Variants in GLIS3 observed in about 807,000 individuals in gnomAD.
GLIS3 encodes zinc finger protein GLIS3.
In GLIS3, 53 loss-of-function variants were observed where a neutral mutation model predicts 78.6. That is an observed-to-expected ratio of 0.67 (90% CI 0.54 to 0.85). The LOEUF (loss-of-function observed/expected upper bound fraction) is 0.85. GLIS3 is among the 40% of genes least tolerant of loss of function. GLIS3 has a pLI of 0.00. For missense variants in GLIS3, 1,703 were observed against 1,231.1 expected, an observed-to-expected ratio of 1.38 and a Z score of -5.74; for synonymous variants, 684 against 509.9, an observed-to-expected ratio of 1.34 and a Z score of -4.60.
intron 2 of GLIS3, chr9:4,347,065 G>A (rs1420667431): frequency 1.3e-5 from 2 of 152,358 alleles, no homozygotes; most frequent in Non-Finnish European, 2.9e-5. Context: ...AAGGAAAAGA[G>A]GTTTATTTGA....
At chr9:4,346,398 G>GT (rs1554660589) in intron 2 of GLIS3, among the ~76,000 whole-genome samples, 2 of 152,152 alleles carry the variant, frequency 1.3e-5, no homozygotes, top group African/African-American at 2.4e-5. Flanking sequence ...TGACTGCCCT[G>GT]CCCTGAAGCA....
intron 4 of GLIS3, among the ~76,000 whole-genome samples, chr9:3,984,366 G>C (rs1244163667): frequency 2.0e-5 from 3 of 152,244 alleles, no homozygotes; most frequent in Admixed American, 2.0e-4. Flanking sequence ...GCATCAGCAT[G>C]ACCTGGATGT....
the GLIS3 span, among the ~76,000 whole-genome samples, chr9:4,488,499 C>T: frequency 6.6e-6 from 1 of 151,276 alleles, no homozygotes; most frequent in Non-Finnish European, 1.5e-5. Context: ...TGGGACAAAT[C>T]TGTTCTCTCG....
At chr9:4,163,891 T>C (rs1347856336) in intron 2 of GLIS3, among the ~76,000 whole-genome samples, 2 of 152,224 alleles carry the variant, frequency 1.3e-5, no homozygotes, top group Non-Finnish European at 2.9e-5. Context: ...AGGCTACAAA[T>C]GAGTAAGGCC....
chr9:4,058,307 A>T (rs1038722161), intron 4 of GLIS3, among the ~76,000 whole-genome samples: 4 of 152,020 alleles, frequency 2.6e-5, no homozygotes, highest in African/African-American at 9.7e-5. Flanking sequence ...CATACACAAT[A>T]AGGCATAAAA....
chr9:4,431,515 A>G, the GLIS3 span, among the ~76,000 whole-genome samples: 1 of 152,018 alleles, frequency 6.6e-6, no homozygotes, highest in Admixed American at 6.6e-5. Context: ...GTTCCACCAT[A>G]CTCTTAGTCC....
chr9:4,054,434 G>C (rs956223465), intron 4 of GLIS3: 32 of 985,300 alleles, frequency 3.2e-5, no homozygotes, highest in Non-Finnish European at 3.9e-5. Flanking sequence ...AAACACTTTG[G>C]CGAGAGTCAC....
At chr9:4,224,564 G>A (rs1360129303) in intron 2 of GLIS3, among the ~76,000 whole-genome samples, 2 of 152,154 alleles carry the variant, frequency 1.3e-5, no homozygotes, top group African/African-American at 2.4e-5. Flanking sequence ...TTTTCTCACC[G>A]CATTGGCTAC....
chr9:3,892,788 C>T lies in GLIS3; in HGVS notation c.2128+5903G>A, dbSNP rs181131319. Among the ~76,000 whole-genome samples, 24 of 152,196 alleles carry T rather than the reference C, an allele frequency of 1.6e-4. 1 individual carries two copies. In the South Asian group the frequency reaches 3.3e-3, roughly 21 times the overall value. On this transcript the variant is annotated intron_variant, in intron 7 of 10. Transcript: ENST00000381971. ...AGAACTTTAGACTCAGCAGTCTGGTCTATAACCTCTTAACCATAAAAAGTA... is the reference window on the plus strand; with the variant it reads ...AGAACTTTAGACTCAGCAGTCTGGTTTATAACCTCTTAACCATAAAAAGTA...
intron 7 of GLIS3, among the ~76,000 whole-genome samples, chr9:3,888,163 A>G (rs901709702): frequency 9.2e-5 from 14 of 152,180 alleles, no homozygotes; most frequent in East Asian, 5.8e-4. Context: ...GACGTGGCCA[A>G]TCACTCCTGG....
At chr9:3,940,366 A>G (rs1815789428) in intron 4 of GLIS3, among the ~76,000 whole-genome samples, 1 of 152,124 alleles carries the variant, frequency 6.6e-6, no homozygotes, top group Non-Finnish European at 1.5e-5. Context: ...GAACATTAAG[A>G]GTGTTTCCTT....
chr9:4,022,841 CCATT>C lies in GLIS3; in HGVS notation c.1711-85656_1711-85653del, dbSNP rs1823000938. Reference sequence around the variant, plus strand: ...ACAAGAAAGTATACACTATATGATACCATTTATTCTAGAAAATGCAAACTAATCT... The same window carrying C: ...ACAAGAAAGTATACACTATATGATACTATTCTAGAAAATGCAAACTAATCT... On this transcript the variant is annotated intron_variant, in intron 4 of 10. Coordinates refer to ENST00000381971, the MANE Select transcript of GLIS3 (RefSeq NM_001042413.2). Among the ~76,000 whole-genome samples, 3 of 152,264 alleles carry C rather than the reference CCATT, an allele frequency of 2.0e-5. No individual in the cohort carries two copies. In the South Asian group the frequency reaches 6.2e-4, roughly 32 times the overall value.
chr9:4,130,891 A>T (rs1210999389), intron 2 of GLIS3, among the ~76,000 whole-genome samples: 1 of 152,246 alleles, frequency 6.6e-6, no homozygotes, highest in Non-Finnish European at 1.5e-5. Flanking sequence ...GAAAAGCCAC[A>T]GGTACTCAAT....
At chr9:3,880,051 CCTCT>C (rs554637109) in intron 7 of GLIS3, among the ~76,000 whole-genome samples, 21 of 152,086 alleles carry the variant, frequency 1.4e-4, no homozygotes, top group African/African-American at 5.1e-4. Context: ...AGCTGGGGCC[CCTCT>C]CTGTCACTGC....
chr9:4,059,893 G>A (rs1563998589), intron 4 of GLIS3, among the ~76,000 whole-genome samples: 1 of 136,072 alleles, frequency 7.3e-6, no homozygotes, highest in East Asian at 2.3e-4. Context: ...TCTCCTACTA[G>A]CTCAAAAAAT....
At chr9:3,860,060 C>T (rs1034284448) in intron 8 of GLIS3, among the ~76,000 whole-genome samples, 7 of 151,798 alleles carry the variant, frequency 4.6e-5, no homozygotes, top group African/African-American at 1.4e-4. Flanking sequence ...TGGATCACGA[C>T]GTCAGGAGAT....
the GLIS3 span, among the ~76,000 whole-genome samples, chr9:4,397,273 C>G: frequency 6.7e-6 from 1 of 150,210 alleles, no homozygotes; most frequent in East Asian, 2.0e-4. Flanking sequence ...GATCCGCCCG[C>G]CTCGGCCTCC....
rs374206813 is a variant in GLIS3, at chr9:3,846,447, A to G, written c.2473+9562T>C. ...GTATCTGATACACAGTAGAAAAATA[A>G]CAATAACAGCTGCAATGACGTGAGC... On this transcript the variant is annotated intron_variant, in intron 9 of 10. Transcript: ENST00000381971. 7.2e-4 allele frequency among the ~76,000 whole-genome samples: 109 copies of G among 152,314 alleles called. 2 individuals carry two copies. The South Asian group carries it at 0.021, about 30-fold the overall frequency.
intron 4 of GLIS3, among the ~76,000 whole-genome samples, chr9:3,942,235 T>C (rs897917713): frequency 1.3e-5 from 2 of 152,162 alleles, no homozygotes; most frequent in Admixed American, 6.6e-5. Context: ...CTTTTTAAAA[T>C]ATACATTTGA....
Sources: gnomAD v4.1 joint callset for allele counts (sites outside exome capture counted in the v4.1 genomes callset) on GRCh38, gnomAD v4.1.1 for gene constraint, MANE v1.5 for transcripts, NCBI Gene and HGNC (gene_info 2026-07-23, HGNC 2026-07-21) for gene names.